Variants in GRIP1 observed in about 807,000 individuals in gnomAD.
The protein encoded by GRIP1 is glutamate receptor interacting protein 1.
A neutral mutation model predicts 129.9 loss-of-function variants in GRIP1; 45 were observed. That is an observed-to-expected ratio of 0.35 (90% CI 0.27 to 0.44). The LOEUF is 0.44. GRIP1 is among the 20% of genes least tolerant of loss of function. The pLI is 1.00. For synonymous variants in GRIP1, 530 were observed against 520.8 expected (o/e 1.02, Z -0.24); for missense variants, 1,196 against 1,396.8 (o/e 0.86, Z 2.29).
At chr12:66,864,244 T>C (rs1269523983) in intron 1 of GRIP1, among the ~76,000 whole-genome samples, 1 of 152,126 alleles carries the variant, frequency 6.6e-6, no homozygotes, top group African/African-American at 2.4e-5. Context: ...ACCATGATTT[T>C]TGAGTACATG....
Position 66,521,488 on chromosome 12 carries a change from A to T in GRIP1, c.503-3512T>A, listed in dbSNP as rs534277148. On this transcript the variant is annotated intron_variant, in intron 5 of 24. Coordinates refer to ENST00000359742, the MANE Select transcript of GRIP1 (RefSeq NM_001366722.1). The stretch of plus-strand genomic sequence containing the variant: ...AAATCTTATAGGTGAAGACAAAAAC[A>T]ATCAAGAAATGTGAACTGTTAAAAC... Among the ~76,000 whole-genome samples, 4 of 152,342 alleles carry T rather than the reference A, an allele frequency of 2.6e-5. No homozygotes were observed. In the South Asian group the frequency reaches 8.3e-4, roughly 32 times the overall value.
chr12:66,553,709 C>T lies in GRIP1; in HGVS notation c.137-11759G>A, dbSNP rs188349520. Among the ~76,000 whole-genome samples the T allele has an allele frequency of 1.0e-3, 158 of 152,092 alleles. 1 individual carries two copies. Among genetic ancestry groups the T allele is most frequent in the African/African-American group, 3.6e-3 (148 of 41,498 alleles). ...ATTGCCGATGCCACCCCTTCCCCAT[C>T]CCGCATGTCTCATGGCACGAAGAAT... is the stretch of plus-strand genomic sequence containing the variant. On this transcript the variant is annotated intron_variant, in intron 2 of 24. Coordinates refer to ENST00000359742, the MANE Select transcript of GRIP1 (RefSeq NM_001366722.1).
In GRIP1 at chr12:66,785,939, C is replaced by T. The variant is rs559637367; in HGVS notation, c.-420+18114G>A. Among the ~76,000 whole-genome samples, 8 of 151,286 alleles carry T rather than the reference C, an allele frequency of 5.3e-5. No homozygotes were observed. In the East Asian group the frequency reaches 1.4e-3, roughly 26 times the overall value. ...TCTACAAAAAAATTTAAAAATTAGC[C>T]GGGCATGGTGGCATGCACCAATAGT... On this transcript the variant is annotated intron_variant, in intron 1 of 4. Transcript: ENST00000538373.
At position 66,961,178 on chromosome 12, in the gene GRIP1, T is replaced by C. The variant is rs536557370; in HGVS notation, c.58+107872A>G. 1.2e-3 allele frequency among the ~76,000 whole-genome samples: 184 copies of C among 152,194 alleles called. 1 individual carries two copies. The highest frequency in any genetic ancestry group is 4.2e-3 in the African/African-American group (175 of 41,514). On this transcript the variant is annotated intron_variant, in intron 1 of 1. Transcript: ENST00000643019. ...ATACTCCCTTTTGCAATACCAGCAC[T>C]TGGCACTGTTTGTTGCTCATGTTCC...
intron 2 of GRIP1, among the ~76,000 whole-genome samples, chr12:66,562,423 G>A (rs961064189): frequency 7.9e-5 from 12 of 152,178 alleles, no homozygotes; most frequent in African/African-American, 2.6e-4. Flanking sequence ...AAGCTGCTGA[G>A]GCTCATTTGG....
intron 8 of GRIP1, 79 bp from the exon 9 acceptor site, chr12:66,463,172 A>G (rs2059185261): frequency 1.6e-6 from 2 of 1,220,680 alleles, no homozygotes; most frequent in South Asian, 1.3e-5. Context: ...CATAGTTAAA[A>G]TTTCACAGTT....
chr12:66,425,836 G>T (rs546663789), intron 14 of GRIP1, among the ~76,000 whole-genome samples: 89 of 152,194 alleles, frequency 5.8e-4, no homozygotes, highest in African/African-American at 2.0e-3. Flanking sequence ...GTGGGGGAAG[G>T]GGGGAGGGAT....
At chr12:66,776,807 G>C (rs562346855) in intron 1 of GRIP1, among the ~76,000 whole-genome samples, 2 of 152,284 alleles carry the variant, frequency 1.3e-5, no homozygotes, top group East Asian at 3.9e-4. Flanking sequence ...AAATGCCATA[G>C]TGATAACAGG....
chr12:66,889,894 G>C (rs2040628430), intron 1 of GRIP1, among the ~76,000 whole-genome samples: 1 of 152,014 alleles, frequency 6.6e-6, no homozygotes, highest in South Asian at 2.1e-4. Context: ...AAATTTCATA[G>C]AGAGGTAAAC....
rs149121775 is a variant in GRIP1 at position 66,754,635 on chromosome 12, C to T, written c.-420+49418G>A. Reference sequence around the variant, plus strand: ...ATCTAAAAGCACAATTTTTTCTAAACCACTGCCCTTTAACACTCAGAGCTG... The same window carrying T: ...ATCTAAAAGCACAATTTTTTCTAAATCACTGCCCTTTAACACTCAGAGCTG... On this transcript the variant is annotated intron_variant, in intron 1 of 4. Coordinates refer to the GRIP1 transcript ENST00000538373. 1.2e-3 allele frequency among the ~76,000 whole-genome samples: 182 copies of T among 152,268 alleles called. 1 individual carries two copies. Among genetic ancestry groups the T allele is most frequent in the African/African-American group, 3.9e-3 (164 of 41,560 alleles).
rs138467272 is a variant in GRIP1 at position 66,686,079 on chromosome 12, T to C, written c.-419-55743A>G. On this transcript the variant is annotated intron_variant, in intron 1 of 4. Coordinates refer to the GRIP1 transcript ENST00000538373. Reference sequence around the variant, plus strand: ...ATAAATTACTTTAAAAAAACAACAATAGCTCTGCCACTTTAAGAGAAAATT... The same window carrying C: ...ATAAATTACTTTAAAAAAACAACAACAGCTCTGCCACTTTAAGAGAAAATT... Among the ~76,000 whole-genome samples the C allele has an allele frequency of 2.6e-3, 398 of 152,314 alleles. 3 individuals are homozygous for C. The highest frequency in any genetic ancestry group is 9.3e-3 in the African/African-American group (385 of 41,576).
At position 66,678,909 on chromosome 12, in the gene GRIP1, G is replaced by C; in HGVS notation, c.-5C>G. 6.2e-7 allele frequency: 1 copy of C among 1,613,342 alleles called. No individual in the cohort carries two copies. On this transcript the variant is annotated 5_prime_UTR_variant, in exon 1 of 25. Coordinates refer to ENST00000359742, the MANE Select transcript of GRIP1 (RefSeq NM_001366722.1). ...TTTAAAAGAGACAGCTATCATTCTT[G>C]CTCACTGCTTTCTGTGGCAAAGTGT... is the stretch of plus-strand genomic sequence containing the variant.
chr12:67,067,872 C>T (rs1258976110), intron 1 of GRIP1, among the ~76,000 whole-genome samples: 4 of 152,220 alleles, frequency 2.6e-5, no homozygotes, highest in African/African-American at 7.2e-5. Context: ...TGGCTTTCCT[C>T]GCCCACCTAC....
intron 1 of GRIP1, among the ~76,000 whole-genome samples, chr12:66,995,030 A>G (rs1039412728): frequency 6.6e-6 from 1 of 152,098 alleles, no homozygotes; most frequent in African/African-American, 2.4e-5. Flanking sequence ...GAGTCCAGAA[A>G]TAAACCCTTA....
chr12:66,878,573 C>T (rs961928806), intron 1 of GRIP1, among the ~76,000 whole-genome samples: 12 of 151,968 alleles, frequency 7.9e-5, no homozygotes, highest in Non-Finnish European at 1.5e-4. Context: ...GTGAAAGCCA[C>T]ACTGAGGAGT....
At chr12:66,875,913 AAAGT>A (rs1363377166) in intron 1 of GRIP1, among the ~76,000 whole-genome samples, 4 of 152,082 alleles carry the variant, frequency 2.6e-5, no homozygotes, top group South Asian at 2.1e-4. Context: ...AGCCTCTGCA[AAAGT>A]AAGGGAAATA....
chr12:66,976,157 C>T (rs2042148399), intron 1 of GRIP1, among the ~76,000 whole-genome samples: 1 of 152,114 alleles, frequency 6.6e-6, no homozygotes, highest in African/African-American at 2.4e-5. Context: ...CGCTTAATTT[C>T]CCATTGGAAA....
At chr12:66,777,799 G>C (rs2038030091) in intron 1 of GRIP1, among the ~76,000 whole-genome samples, 1 of 152,148 alleles carries the variant, frequency 6.6e-6, no homozygotes, top group Non-Finnish European at 1.5e-5. Flanking sequence ...AATTGTGTTT[G>C]ACTTTGAGAA....
intron 13 of GRIP1, among the ~76,000 whole-genome samples, chr12:66,443,649 T>G (rs575286489): frequency 5.9e-4 from 89 of 151,986 alleles, no homozygotes; most frequent in Non-Finnish European, 6.6e-4. Context: ...AGAGACAGGA[T>G]TTCATCAAGT....
Sources: allele counts gnomAD v4.1 joint callset (sites outside exome capture counted in the v4.1 genomes callset), GRCh38; gene constraint gnomAD v4.1.1; transcripts MANE v1.5; gene names NCBI Gene and HGNC (gene_info 2026-07-23, HGNC 2026-07-21).